Variants in GRK6 observed in about 807,000 individuals in gnomAD.
The protein encoded by GRK6 is G protein-coupled receptor kinase 6.
GRK6 carries 37 observed loss-of-function variants against 80.8 expected under a neutral mutation model. That is an observed-to-expected ratio of 0.46 (90% CI 0.35 to 0.60). The LOEUF is 0.60. Among genes scored for constraint, GRK6 ranks in the 20% least tolerant of loss-of-function variants. The pLI is 0.00. For missense variants in GRK6, 560 were observed against 784.6 expected (o/e 0.71, Z 3.42); for synonymous variants, 295 against 320.9 (o/e 0.92, Z 0.86).
rs753843240 is a variant in GRK6, at chr5:177,441,782, C to T, written c.1723C>T (p.Arg575Cys). The T allele has an allele frequency of 4.3e-6, 7 of 1,612,604 alleles. No homozygotes were observed. In the South Asian group the frequency reaches 4.4e-5, roughly 10 times the overall value. The change falls in exon 16 of 16, where the codon CGC becomes TGC. Residue 575 changes from arginine to cysteine, a missense_variant. By Grantham distance (180) the Arg-to-Cys change is radical (BLOSUM62 -3). Around this residue, in one of 3 missense-constraint regions of GRK6, gnomAD observed 294 missense variants for 397.4 expected, o/e 0.74. Transcript: ENST00000355472. ...CGACAGCGAGGAAGAGCTCCCCACC[C>T]GCCTCTAGCCCCCAGCCCGAGGCCC... Reference protein sequence around the residue: ...CSDSEEELPTRL With the variant: ...CSDSEEELPTCL
upstream of GRK6, among the ~76,000 whole-genome samples, chr5:177,426,210 A>G (rs924968765): frequency 6.6e-6 from 1 of 152,200 alleles, no homozygotes; most frequent in African/African-American, 2.4e-5. Context: ...GAGGCCCAGG[A>G]TACGGAGCGC....
intron 8 of GRK6, 75 bp downstream of exon 8, chr5:177,433,751 C>T (rs912655106): frequency 5.7e-6 from 9 of 1,577,472 alleles, no homozygotes; most frequent in South Asian, 1.2e-5. Context: ...CCAGGCCCCA[C>T]CCTCCCATGT....
At chr5:177,431,171 A>G (rs1196053546) in intron 2 of GRK6, among the ~76,000 whole-genome samples, 1 of 152,160 alleles carries the variant, frequency 6.6e-6, no homozygotes, top group Non-Finnish European at 1.5e-5. Flanking sequence ...GGTCACACCG[A>G]GGGTGGTTGA....
At chr5:177,431,945 C>T (rs781425302) in intron 2 of GRK6, 50 bp from the exon 3 acceptor site, 1 of 1,512,856 alleles carries the variant, frequency 6.6e-7, no homozygotes, top group Non-Finnish European at 9.2e-7. Flanking sequence ...ACATGCCCCA[C>T]CCATGTGCTC....
chr5:177,439,156 GATGAAAAAGCAA>G (rs1311324406), intron 13 of GRK6, among the ~76,000 whole-genome samples: 1 of 152,242 alleles, frequency 6.6e-6, no homozygotes, highest in East Asian at 1.9e-4. Context: ...GGAAGCAGTA[GATGAAAAAGCAA>G]GCTTGATGAT....
chr5:177,426,147 C>G (rs540030977), upstream of GRK6, among the ~76,000 whole-genome samples: 9 of 152,322 alleles, frequency 5.9e-5, no homozygotes, highest in African/African-American at 1.9e-4. Context: ...GGGGCCGACC[C>G]AAGGGAATAC....
At chr5:177,436,644 T>A in intron 13 of GRK6, 114 bp downstream of exon 13, 1 of 988,174 alleles carries the variant, frequency 1.0e-6, no homozygotes, top group Non-Finnish European at 1.5e-6. Flanking sequence ...AACAATCTAG[T>A]GGCTTAGCCA....
chr5:177,433,804 T>G, intron 8 of GRK6, 110 bp from the exon 9 acceptor site: 1 of 1,510,250 alleles, frequency 6.6e-7, no homozygotes, highest in Non-Finnish European at 8.9e-7. Context: ...ACACCAGGCT[T>G]GGGGAGCAGG....
At position 177,441,922 on chromosome 5, in the gene GRK6, A is replaced by C. The variant is rs541414657; in HGVS notation, c.*132A>C. On this transcript the variant is annotated 3_prime_UTR_variant, in exon 16 of 16. Transcript: ENST00000355472. ...GGGGAACACAGACGGAGCTGTCCCCAGTGTCCTCCGTCCCTCAGCCCCTGG... is the reference window on the plus strand; with the variant it reads ...GGGGAACACAGACGGAGCTGTCCCCCGTGTCCTCCGTCCCTCAGCCCCTGG... The C allele has an allele frequency of 1.2e-6, 1 of 828,256 alleles. No homozygotes were observed. Among genetic ancestry groups the C allele is most frequent in the East Asian group, 2.6e-5 (1 of 37,946 alleles). 51.3% of individuals were successfully genotyped at this position (828,256 alleles called of 1,614,324 possible).
chr5:177,432,446 C>T, intron 4 of GRK6, 136 bp downstream of exon 4: 1 of 935,618 alleles, frequency 1.1e-6, no homozygotes, highest in Non-Finnish European at 1.7e-6. Flanking sequence ...ACAGAGAGTG[C>T]CCTGGAGCTG....
At chr5:177,441,568 G>A (rs1393247053) in intron 15 of GRK6, among the ~76,000 whole-genome samples, 169 bp from the exon 16 acceptor site, 3 of 152,264 alleles carry the variant, frequency 2.0e-5, no homozygotes, top group East Asian at 1.9e-4. Context: ...ACCCACGTGT[G>A]GCCTGAGCTG....
Position 177,428,386 on chromosome 5 carries a change from C to A in GRK6, c.52+1489C>A, listed in dbSNP as rs1763755466. Among the ~76,000 whole-genome samples, 1 of 152,224 alleles carries A rather than the reference C, an allele frequency of 6.6e-6. No homozygotes were observed. The highest frequency in any genetic ancestry group is 2.4e-5 in the African/African-American group (1 of 41,448). On this transcript the variant is annotated intron_variant, in intron 1 of 15. Coordinates refer to ENST00000355472, the MANE Select transcript of GRK6 (RefSeq NM_001004106.3). The surrounding 1 kb of genome is among the most constrained non-coding windows in gnomAD (Gnocchi z 4.1). Reference sequence around the variant, plus strand: ...GTATGGCCAGACTGGGGACTGGTACCTCCACTAGAGAACCCTTACGACAAC... The same window carrying A: ...GTATGGCCAGACTGGGGACTGGTACATCCACTAGAGAACCCTTACGACAAC...
intron 13 of GRK6, among the ~76,000 whole-genome samples, chr5:177,437,679 G>A (rs1229159788): frequency 6.6e-6 from 1 of 152,130 alleles, no homozygotes; most frequent in Admixed American, 6.5e-5. Flanking sequence ...TGTGTGCCAC[G>A]ATTCTCCAGC....
In GRK6 at chr5:177,436,577, G is replaced by A. The variant is rs755471442; in HGVS notation, c.1404+47G>A. On this transcript the variant is annotated intron_variant, in intron 13 of 15. Coordinates refer to ENST00000355472, the MANE Select transcript of GRK6 (RefSeq NM_001004106.3). ...TGAGGGCGGGGCCCAGCCAGGGCTG[G>A]GGCTCAGGGGCTCTTGTAGTATCAG... 3 of 1,505,272 alleles carry A rather than the reference G, an allele frequency of 2.0e-6. No homozygotes were observed. The East Asian group carries it at 6.8e-5, about 34-fold the overall frequency. The allele number at this position is 1,505,272 out of a possible 1,614,324, so 93.2% of individuals were successfully genotyped here. A position where few individuals can be genotyped will look rare whatever the true frequency, so the allele number is the denominator to read the frequency against.
rs929428031 is a variant in GRK6 at position 177,441,848 on chromosome 5, TAC to T, written c.*60_*61del. Reference sequence around the variant, plus strand: ...GGTAGCAGCTACTCCGAGCGCCGTTTACAGTTTTGCACAGTGATCTTCCCCAT... The same window carrying T: ...GGTAGCAGCTACTCCGAGCGCCGTTTAGTTTTGCACAGTGATCTTCCCCAT... On this transcript the variant is annotated 3_prime_UTR_variant, in exon 16 of 16. Transcript: ENST00000355472. The T allele has an allele frequency of 9.9e-6, 15 of 1,516,228 alleles. No homozygotes were observed. The African/African-American group carries it at 1.8e-4, about 18-fold the overall frequency. The allele number at this position is 1,516,228 out of a possible 1,614,324, so 93.9% of individuals were successfully genotyped here.
chr5:177,435,552 G>A (rs372886590), intron 11 of GRK6, among the ~76,000 whole-genome samples: 1 of 152,186 alleles, frequency 6.6e-6, no homozygotes, highest in East Asian at 1.9e-4. Context: ...CGGTTGCGTG[G>A]CCTTGAACCA....
Position 177,441,048 on chromosome 5 carries a change from C to A in GRK6, c.1672C>A (p.Arg558Ser), listed in dbSNP as rs1244607954. Residue 558 changes from arginine (R) to serine (S), a missense_variant, in exon 15 of 16, where the codon CGC becomes AGC. Transcript: ENST00000355472. ...KKGLLQRLFS[R>S]QDCCGNCSDS... ...GGGACTGCTGCAGAGACTCTTCAGT[C>A]GCCAAGTAAGCCCCAGCAGCGGCCT... The A allele has an allele frequency of 6.2e-7, 1 of 1,613,714 alleles. No individual in the cohort carries two copies. Among genetic ancestry groups the A allele is most frequent in the South Asian group, 1.1e-5 (1 of 91,022 alleles).
intron 2 of GRK6, 80 bp downstream of exon 2, chr5:177,431,047 C>T: frequency 8.0e-7 from 1 of 1,254,444 alleles, no homozygotes; most frequent in Non-Finnish European, 1.1e-6. Flanking sequence ...AGACCTTGCC[C>T]CGGAGCAGAG....
chr5:177,431,981 A>T lies in GRK6; in HGVS notation c.149-14A>T. 2 of 1,611,214 alleles carry T rather than the reference A, an allele frequency of 1.2e-6. No homozygotes were observed. Among genetic ancestry groups the T allele is most frequent in the Non-Finnish European group, 1.7e-6 (2 of 1,178,286 alleles). ...TCGGGCTGTGGACCCAGCAGCTTCCATCACTGCCAACAGAGCGTGACTATC... is the reference window on the plus strand; with the variant it reads ...TCGGGCTGTGGACCCAGCAGCTTCCTTCACTGCCAACAGAGCGTGACTATC... On this transcript the variant is annotated splice_polypyrimidine_tract_variant and intron_variant, in intron 2 of 15. Transcript: ENST00000355472.
Sources: allele counts gnomAD v4.1 joint callset (sites outside exome capture counted in the v4.1 genomes callset), GRCh38; gene constraint gnomAD v4.1.1; regional missense constraint gnomAD v4.1.1; non-coding constraint Gnocchi (gnomAD v3.1); transcripts MANE v1.5; gene names NCBI Gene and HGNC (gene_info 2026-07-23, HGNC 2026-07-21).